ZRANB3: variants seen among roughly 807,000 people sequenced by gnomAD.
The protein encoded by ZRANB3 is zinc finger RANBP2-type containing 3, also known as DNA annealing helicase and endonuclease ZRANB3.
Under a neutral mutation model 133.8 loss-of-function variants are expected in ZRANB3, and 125 were observed. The ratio of observed to expected loss-of-function variants is 0.93; its 90% confidence interval spans 0.81 to 1.08. ZRANB3 has a LOEUF of 1.08. ZRANB3 is among the 50% of genes least tolerant of loss of function. ZRANB3 has a pLI of 0.00. For missense variants in ZRANB3, 1,229 were observed against 1,275.5 expected, an observed-to-expected ratio of 0.96 and a Z score of 0.56; for synonymous variants, 387 against 432.7, an observed-to-expected ratio of 0.89 and a Z score of 1.31.
At chr2:135,374,574 T>C (rs1446348522) in intron 3 of ZRANB3, among the ~76,000 whole-genome samples, 1 of 150,612 alleles carries the variant, frequency 6.6e-6, no homozygotes, top group Non-Finnish European at 1.5e-5. Flanking sequence ...TAATCATAGC[T>C]CACAGCAATC....
chr2:135,323,500 A>G (rs1248999335), intron 6 of ZRANB3, among the ~76,000 whole-genome samples: 1 of 152,206 alleles, frequency 6.6e-6, no homozygotes, highest in Non-Finnish European at 1.5e-5. Context: ...AACAGCCCAG[A>G]TAAACAGAAC....
At chr2:135,280,115 A>G (rs1207264884) in intron 8 of ZRANB3, among the ~76,000 whole-genome samples, 1 of 152,214 alleles carries the variant, frequency 6.6e-6, no homozygotes, top group Non-Finnish European at 1.5e-5. Context: ...CATAATAATC[A>G]GCATCTTGGT....
chr2:135,485,173 C>T (rs779726873), intron 2 of ZRANB3, among the ~76,000 whole-genome samples: 21 of 148,450 alleles, frequency 1.4e-4, no homozygotes, highest in Non-Finnish European at 2.9e-4. Context: ...CAAAACAAAA[C>T]AAAACAAAAC....
intron 2 of ZRANB3, among the ~76,000 whole-genome samples, chr2:135,475,964 C>T (rs568771966): frequency 2.6e-5 from 4 of 152,044 alleles, no homozygotes; most frequent in Admixed American, 6.6e-5. Flanking sequence ...TGTAATCCCA[C>T]TTACTCGGGA....
intron 8 of ZRANB3, among the ~76,000 whole-genome samples, chr2:135,302,520 C>G (rs1428511190): frequency 4.8e-5 from 7 of 146,804 alleles, no homozygotes; most frequent in African/African-American, 1.4e-4. Context: ...GACTTCAAAC[C>G]AGGGTTTGTT....
chr2:135,292,431 T>G lies in ZRANB3; in HGVS notation c.967-16676A>C, dbSNP rs182356725. ...GTCTGTTCATATCCTTCGCCCACTT[T>G]TTGATGGGGTTGTTTGTTTTTTCTT... On this transcript the variant is annotated intron_variant, in intron 8 of 20. Transcript: ENST00000264159. Among the ~76,000 whole-genome samples, 723 of 152,304 alleles carry G rather than the reference T, an allele frequency of 4.7e-3. 2 individuals carry two copies. Among genetic ancestry groups the G allele is most frequent in the South Asian group, 0.014 (66 of 4,822 alleles).
chr2:135,295,299 T>C (rs1682000278), intron 8 of ZRANB3, among the ~76,000 whole-genome samples: 1 of 152,220 alleles, frequency 6.6e-6, no homozygotes, highest in Admixed American at 6.5e-5. Flanking sequence ...AGTTAGCTCT[T>C]CTTGTTGAAT....
At chr2:135,328,003 T>C (rs1238545186) in intron 6 of ZRANB3, among the ~76,000 whole-genome samples, 1 of 152,096 alleles carries the variant, frequency 6.6e-6, no homozygotes, top group African/African-American at 2.4e-5. Flanking sequence ...AGAAGCTGTC[T>C]AGAGGGAAAG....
intron 1 of ZRANB3, among the ~76,000 whole-genome samples, chr2:135,529,613 C>T (rs187168167): frequency 1.6e-4 from 24 of 152,164 alleles, no homozygotes; most frequent in African/African-American, 5.1e-4. Context: ...GATTCTCCTG[C>T]CTCAGCCTCC....
Position 135,199,287 on chromosome 2 carries a change from GTTTT to G in ZRANB3, c.*1051_*1054del, listed in dbSNP as rs78250681. On this transcript the variant is annotated 3_prime_UTR_variant, in exon 21 of 21. Transcript: ENST00000264159. ...AAAGTGTATTTTGATAGTACGCTTA[GTTTT>G]TTTTTTTGTTTGTTTGTTTGTTTGA... 6.8e-6 allele frequency: 1 copy of G among 148,124 alleles called. No homozygotes were observed. The highest frequency in any genetic ancestry group is 6.7e-5 in the Admixed American group (1 of 14,888). The allele number at this position is 148,124 out of a possible 1,614,324, so 9.2% of individuals were successfully genotyped here.
At chr2:135,522,355 G>A (rs925883631) in intron 1 of ZRANB3, among the ~76,000 whole-genome samples, 7 of 152,166 alleles carry the variant, frequency 4.6e-5, no homozygotes, top group African/African-American at 1.4e-4. Flanking sequence ...GCAAGCCTCC[G>A]ATGCTCCAGT....
At chr2:135,224,786 T>C (rs552195592) in intron 14 of ZRANB3, among the ~76,000 whole-genome samples, 2 of 152,248 alleles carry the variant, frequency 1.3e-5, no homozygotes, top group South Asian at 4.1e-4. Context: ...AAAATACAAG[T>C]TGGTAGGCAT....
chr2:135,286,060 C>T (rs1681348370), intron 8 of ZRANB3, among the ~76,000 whole-genome samples: 1 of 151,794 alleles, frequency 6.6e-6, no homozygotes, highest in African/African-American at 2.4e-5. Context: ...AAAAATGTTC[C>T]ATTGTTTTAT....
At chr2:135,305,296 T>G (rs752042772) in intron 8 of ZRANB3, among the ~76,000 whole-genome samples, 1 of 152,238 alleles carries the variant, frequency 6.6e-6, no homozygotes, top group East Asian at 1.9e-4. Flanking sequence ...CTTTTTCTGA[T>G]AAGTATAGCT....
At chr2:135,379,518 T>C (rs1686589775) in intron 3 of ZRANB3, among the ~76,000 whole-genome samples, 2 of 152,180 alleles carry the variant, frequency 1.3e-5, no homozygotes, top group African/African-American at 4.8e-5. Flanking sequence ...TATATGTCCT[T>C]GGGCAATTTA....
intron 6 of ZRANB3, 176 bp downstream of exon 6, chr2:135,345,374 A>C (rs1684867784): frequency 5.8e-6 from 3 of 513,908 alleles, no homozygotes; most frequent in East Asian, 6.5e-5. Context: ...AGGCTAAGGC[A>C]GAAGAATCGA....
At chr2:135,303,958 A>G (rs563432810) in intron 8 of ZRANB3, among the ~76,000 whole-genome samples, 58 of 152,302 alleles carry the variant, frequency 3.8e-4, no homozygotes, top group African/African-American at 1.3e-3. Flanking sequence ...ACAGAACGAG[A>G]AACGATTTTT....
chr2:135,428,051 C>T (rs540892040), intron 2 of ZRANB3, among the ~76,000 whole-genome samples: 208 of 152,224 alleles, frequency 1.4e-3, no homozygotes, highest in Non-Finnish European at 2.0e-3. Flanking sequence ...AGAAAATCAA[C>T]TCAAAATGTA....
chr2:135,434,740 A>AT (rs1689458821), intron 2 of ZRANB3, among the ~76,000 whole-genome samples: 1 of 152,212 alleles, frequency 6.6e-6, no homozygotes, highest in Non-Finnish European at 1.5e-5. Flanking sequence ...TGTTCAGAAG[A>AT]TAAGACTATA....
Sources: gnomAD v4.1 joint callset for allele counts (sites outside exome capture counted in the v4.1 genomes callset) on GRCh38, gnomAD v4.1.1 for gene constraint, MANE v1.5 for transcripts, NCBI Gene and HGNC (gene_info 2026-07-23, HGNC 2026-07-21) for gene names.